SORCS1: variants seen among roughly 807,000 people sequenced by gnomAD.
The protein encoded by SORCS1 is VPS10 domain-containing receptor SorCS1.
SORCS1 carries 60 observed loss-of-function variants against 146.1 expected under a neutral mutation model. The observed-to-expected ratio is 0.41, with a 90% CI of 0.33 to 0.51. The LOEUF (loss-of-function observed/expected upper bound fraction) is 0.51. SORCS1 is among the 20% of genes least tolerant of loss of function. The probability of loss-of-function intolerance (pLI) is 0.21; values close to 1 mark genes in which losing one functional copy is unlikely to be tolerated. For synonymous variants in SORCS1, 637 were observed against 584.0 expected, an observed-to-expected ratio of 1.09 and a Z score of -1.31; for missense variants, 1,352 against 1,487.6, an observed-to-expected ratio of 0.91 and a Z score of 1.50.
intron 1 of SORCS1, among the ~76,000 whole-genome samples, chr10:107,144,059 C>T (rs566136749): frequency 6.6e-6 from 1 of 152,092 alleles, no homozygotes; most frequent in Non-Finnish European, 1.5e-5. Flanking sequence ...CCCTTTTGTG[C>T]TCTGAGGGGC....
At chr10:107,126,403 A>G (rs1966713325) in intron 1 of SORCS1, among the ~76,000 whole-genome samples, 2 of 152,220 alleles carry the variant, frequency 1.3e-5, no homozygotes, top group African/African-American at 4.8e-5. Flanking sequence ...TGATTCATAA[A>G]TAAGAAAAAC....
At chr10:107,077,912 T>C (rs557077980) in intron 1 of SORCS1, among the ~76,000 whole-genome samples, 1 of 152,090 alleles carries the variant, frequency 6.6e-6, no homozygotes, top group Non-Finnish European at 1.5e-5. Context: ...AGAATTAGGG[T>C]GAGAATTTAA....
At chr10:107,148,807 C>T (rs1228677405) in intron 1 of SORCS1, among the ~76,000 whole-genome samples, 1 of 152,144 alleles carries the variant, frequency 6.6e-6, no homozygotes, top group Non-Finnish European at 1.5e-5. Context: ...TAAACCAAGG[C>T]TTAGGTGATT....
intron 9 of SORCS1, among the ~76,000 whole-genome samples, chr10:106,691,630 A>C (rs1409521904): frequency 6.6e-6 from 1 of 151,602 alleles, no homozygotes; most frequent in Non-Finnish European, 1.5e-5. Context: ...CTCTTATCTG[A>C]CTCTCTTTGT....
At chr10:106,747,390 A>G (rs1308591217) in intron 5 of SORCS1, among the ~76,000 whole-genome samples, 1 of 152,186 alleles carries the variant, frequency 6.6e-6, no homozygotes, top group Non-Finnish European at 1.5e-5. Context: ...ATTTTTTAGA[A>G]GAGATTCCTG....
At chr10:106,752,677 C>T (rs928169208) in intron 5 of SORCS1, among the ~76,000 whole-genome samples, 3 of 152,014 alleles carry the variant, frequency 2.0e-5, no homozygotes, top group Non-Finnish European at 4.4e-5. Flanking sequence ...ACACAAGAGT[C>T]CTTGGGCAGT....
intron 2 of SORCS1, among the ~76,000 whole-genome samples, chr10:106,941,105 C>T (rs902933395): frequency 1.3e-5 from 2 of 152,148 alleles, no homozygotes; most frequent in Non-Finnish European, 2.9e-5. Context: ...GTACCAATCT[C>T]ATAAAAATAT....
chr10:106,972,865 T>A (rs1333159573), intron 1 of SORCS1, among the ~76,000 whole-genome samples: 1 of 152,194 alleles, frequency 6.6e-6, no homozygotes, highest in Non-Finnish European at 1.5e-5. Flanking sequence ...TGGGGAGATG[T>A]TTTTTGTTGC....
rs570763430 is a variant in SORCS1, at chr10:106,783,555, T to A, written c.727-6863A>T. Among the ~76,000 whole-genome samples the A allele has an allele frequency of 1.5e-4, 23 of 152,018 alleles. No individual in the cohort carries two copies. The East Asian group carries it at 4.3e-3, about 28-fold the overall frequency. ...TGGCATTACAAATATCTCATAAAAA[T>A]ATTGCCTAGATGAAAAAAAAGAGAC... On this transcript the variant is annotated intron_variant, in intron 3 of 25. Coordinates refer to ENST00000263054, the MANE Select transcript of SORCS1 (RefSeq NM_052918.5).
At chr10:106,841,190 C>T (rs943119708) in intron 2 of SORCS1, among the ~76,000 whole-genome samples, 2 of 152,068 alleles carry the variant, frequency 1.3e-5, no homozygotes, top group African/African-American at 4.8e-5. Context: ...ACATTGGTGG[C>T]CAGGTGCAGT....
At chr10:107,074,587 G>A (rs1430218028) in intron 1 of SORCS1, among the ~76,000 whole-genome samples, 1 of 152,148 alleles carries the variant, frequency 6.6e-6, no homozygotes, top group African/African-American at 2.4e-5. Context: ...GGATCATTTG[G>A]TAAGAGTATG....
At chr10:106,722,796 A>C (rs1241912722) in intron 6 of SORCS1, among the ~76,000 whole-genome samples, 1 of 152,176 alleles carries the variant, frequency 6.6e-6, no homozygotes, top group Non-Finnish European at 1.5e-5. Flanking sequence ...CTTACAGATG[A>C]CCATAATATA....
chr10:106,745,910 AG>A (rs1347925209), intron 5 of SORCS1, among the ~76,000 whole-genome samples: 10 of 152,220 alleles, frequency 6.6e-5, no homozygotes, highest in Admixed American at 5.2e-4. Context: ...GGTGATGAGA[AG>A]GGTACATCAT....
chr10:106,732,850 G>A (rs1856692294), intron 5 of SORCS1, among the ~76,000 whole-genome samples: 2 of 152,154 alleles, frequency 1.3e-5, no homozygotes, highest in Non-Finnish European at 2.9e-5. Context: ...GCCAGGTGCA[G>A]TGGCTCACGC....
At chr10:106,951,468 C>T (rs1429078299) in intron 2 of SORCS1, among the ~76,000 whole-genome samples, 3 of 149,344 alleles carry the variant, frequency 2.0e-5, no homozygotes, top group African/African-American at 4.9e-5. Flanking sequence ...GCCGAGATCA[C>T]GCCACTGCAC....
At chr10:106,950,427 A>G (rs1297928895) in intron 2 of SORCS1, among the ~76,000 whole-genome samples, 2 of 152,154 alleles carry the variant, frequency 1.3e-5, no homozygotes, top group Non-Finnish European at 2.9e-5. Context: ...TTCAGCTGCT[A>G]AAACTTGTAA....
rs138169703 is a variant in SORCS1 at position 106,915,859 on chromosome 10, T to C, written c.626+40654A>G. 2.6e-4 allele frequency among the ~76,000 whole-genome samples: 40 copies of C among 152,298 alleles called. No homozygotes were observed. The East Asian group carries it at 7.1e-3, about 27-fold the overall frequency. The stretch of plus-strand genomic sequence containing the variant: ...GCAACAAAGTAGGAAGAGCGAGCCA[T>C]AACCTATTTTGAAGGGACCTGGCTC... On this transcript the variant is annotated intron_variant, in intron 2 of 25. Transcript: ENST00000263054.
chr10:106,613,931 G>T (rs1313033792), intron 21 of SORCS1, among the ~76,000 whole-genome samples: 2 of 151,864 alleles, frequency 1.3e-5, no homozygotes, highest in South Asian at 4.2e-4. Flanking sequence ...TCATCATTCA[G>T]TCTCACCCCG....
chr10:106,751,161 A>C (rs941226583), intron 5 of SORCS1, among the ~76,000 whole-genome samples: 1 of 151,884 alleles, frequency 6.6e-6, no homozygotes, highest in Non-Finnish European at 1.5e-5. Flanking sequence ...TAAAAAAAGA[A>C]GAAGAAATAC....
Sources: gnomAD v4.1 joint callset for allele counts (sites outside exome capture counted in the v4.1 genomes callset) on GRCh38, gnomAD v4.1.1 for gene constraint, MANE v1.5 for transcripts, NCBI Gene and HGNC (gene_info 2026-07-23, HGNC 2026-07-21) for gene names.